The following CPZ variants were observed in gnomAD, a reference collection of about 807,000 sequenced individuals.
CPZ encodes carboxypeptidase Z.
CPZ carries 103 observed loss-of-function variants against 61.8 expected under a neutral mutation model. The observed-to-expected ratio is 1.67, with a 90% CI of 1.42 to 1.96. CPZ has a LOEUF of 1.96. Ranked by LOEUF, CPZ falls within the 30% of genes most tolerant of loss-of-function variation. The pLI is 0.00. For synonymous variants in CPZ, 551 were observed against 373.7 expected, an observed-to-expected ratio of 1.47 and a Z score of -5.47; for missense variants, 1,461 against 914.9, an observed-to-expected ratio of 1.60 and a Z score of -7.70.
At position 8,607,442 on chromosome 4, in the gene CPZ, G is replaced by GT; in HGVS notation, c.1227+18dup. On this transcript the variant is annotated intron_variant, in intron 7 of 10. Coordinates refer to ENST00000360986, the MANE Select transcript of CPZ (RefSeq NM_001014447.3). ...GACGAGAAGGTGAGAGGGCTGTCGG[G>GT]TGTGTGCAGGGGAGGGAGACAGTGT... 1 of 1,612,782 alleles carries GT rather than the reference G, an allele frequency of 6.2e-7. No homozygotes were observed. Among genetic ancestry groups the GT allele is most frequent in the Non-Finnish European group, 8.5e-7 (1 of 1,179,558 alleles).
rs560825263 is a variant in CPZ at position 8,604,130 on chromosome 4, C to T, written c.651C>T (p.Phe217=). ...VARTYSIGRS[F]DGRELLVIEF... ...GGACCTACAGCATCGGGCGCAGCTTCGACGGCAGGGAGCTGCTGGTCATCG... is the reference window on the plus strand; with the variant it reads ...GGACCTACAGCATCGGGCGCAGCTTTGACGGCAGGGAGCTGCTGGTCATCG... The change falls in exon 4 of 11, where the codon TTC becomes TTT. Residue 217 remains phenylalanine (F), a synonymous_variant. Coordinates refer to ENST00000360986, the MANE Select transcript of CPZ (RefSeq NM_001014447.3). 151 of 1,594,148 alleles carry T rather than the reference C, an allele frequency of 9.5e-5. No homozygotes were observed. The highest frequency in any genetic ancestry group is 5.1e-4 in the Middle Eastern group (3 of 5,898).
chr4:8,615,004 C>T (rs961910516), intron 9 of CPZ, among the ~76,000 whole-genome samples: 4 of 151,942 alleles, frequency 2.6e-5, no homozygotes, highest in African/African-American at 9.7e-5. Flanking sequence ...TGGGATGGGG[C>T]GGGCACTGTG....
chr4:8,604,405 A>G (rs911044315), intron 4 of CPZ, among the ~76,000 whole-genome samples: 2 of 152,270 alleles, frequency 1.3e-5, no homozygotes, highest in African/African-American at 2.4e-5. Flanking sequence ...TTCAAAATGT[A>G]GGGTGGCAGA....
intron 5 of CPZ, 96 bp downstream of exon 5, chr4:8,606,281 C>T (rs76139754): frequency 4.8e-6 from 6 of 1,250,832 alleles, no homozygotes; most frequent in East Asian, 2.6e-5. Flanking sequence ...TGCTTCGTTC[C>T]TGCCTCTCTA....
rs765332088 is a variant in CPZ, at chr4:8,607,323, C to G, written c.1125C>G (p.Leu375=). ...GGATGCAGACCATACCCTTTGTGCT[C>G]TCAGCCAGCCTTCATGGGGGCGACC... ...MKWMQTIPFV[L]SASLHGGDLV... is the part of the protein sequence containing the mutation. The change falls in exon 7 of 11, where the codon CTC becomes CTG. Residue 375 remains leucine, a synonymous_variant. Coordinates refer to ENST00000360986, the MANE Select transcript of CPZ (RefSeq NM_001014447.3). 1.2e-6 allele frequency: 2 copies of G among 1,614,144 alleles called. No homozygotes were observed. Among genetic ancestry groups the G allele is most frequent in the Admixed American group, 1.7e-5 (1 of 60,020 alleles).
At position 8,607,249 on chromosome 4, in the gene CPZ, C is replaced by G. The variant is rs1282464097; in HGVS notation, c.1069-18C>G. ...GGGAAAGCCCAGCCCTGAGGGCGGC[C>G]TCGTCTGTCCTGGGCAGGTGGCCCC... On this transcript the variant is annotated intron_variant, in intron 6 of 10. Transcript: ENST00000360986. 1 of 1,611,896 alleles carries G rather than the reference C, an allele frequency of 6.2e-7. No homozygotes were observed. Among genetic ancestry groups the G allele is most frequent in the Non-Finnish European group, 8.5e-7 (1 of 1,178,430 alleles).
rs1716523785 is a variant in CPZ at position 8,619,655 on chromosome 4, G to T, written c.*38G>T. 1 of 1,416,178 alleles carries T rather than the reference G, an allele frequency of 7.1e-7. No homozygotes were observed. Among genetic ancestry groups the T allele is most frequent in the African/African-American group, 1.4e-5 (1 of 69,136 alleles). 87.7% of individuals were successfully genotyped at this position (1,416,178 alleles called of 1,614,324 possible). ...CACCCGCCAGGATGTGGAGACCGAG[G>T]CCCATCTCCGCATCCCGGGCTCCTG... On this transcript the variant is annotated 3_prime_UTR_variant, in exon 11 of 11. Coordinates refer to ENST00000360986, the MANE Select transcript of CPZ (RefSeq NM_001014447.3).
At chr4:8,614,276 C>G (rs778586453) in intron 8 of CPZ, 83 bp from the exon 9 acceptor site, 28 of 1,479,392 alleles carry the variant, frequency 1.9e-5, no homozygotes, top group Admixed American at 3.9e-5. Context: ...TCCCGGCTGT[C>G]TCTGTGCGGC....
chr4:8,614,386 C>A lies in CPZ; in HGVS notation c.1391C>A (p.Thr464Asn). The change falls in exon 9 of 11, where the codon ACC (threonine) becomes AAC (asparagine). Residue 464 changes from threonine to asparagine, a missense_variant. Thr to Asn is a moderately conservative substitution (Grantham distance 65). Transcript: ENST00000360986. The stretch of plus-strand genomic sequence containing the variant: ...ATGTCCGATTTCAACTACCTGCACA[C>A]CAACTGCTTTGAGATCACGGTAGAG... ...GGMSDFNYLHTNCFEITVELG... is the reference protein window; with the variant it reads ...GGMSDFNYLHNNCFEITVELG... 1 of 1,613,868 alleles carries A rather than the reference C, an allele frequency of 6.2e-7. No homozygotes were observed. The highest frequency in any genetic ancestry group is 1.1e-5 in the South Asian group (1 of 91,060).
Position 8,619,466 on chromosome 4 carries a change from C to G in CPZ, c.1808C>G (p.Pro603Arg). The G allele has an allele frequency of 6.2e-7, 1 of 1,611,456 alleles. No individual in the cohort carries two copies. The highest frequency in any genetic ancestry group is 8.5e-7 in the Non-Finnish European group (1 of 1,178,250). ...HGLRRTGPHD[P>R]LGGASSLGEA... ...CTGCGGAGGACTGGGCCCCACGACC[C>G]ACTGGGAGGTGCCAGCTCTTTGGGG... The change falls in exon 11 of 11, where the codon CCA becomes CGA. Residue 603 changes from proline to arginine, a missense_variant. Physicochemically the swap from Pro to Arg is moderately radical, Grantham distance 103. Transcript: ENST00000360986.
intron 3 of CPZ, chr4:8,602,168 T>C (rs4696701): frequency 0.51 from 77,815 of 152,206 alleles, 20,482 homozygotes; most frequent in South Asian, 0.66. Flanking sequence ...CTCTGAGGTG[T>C]GCAAAGAGGT....
chr4:8,617,612 G>A (rs1010436078), intron 9 of CPZ, among the ~76,000 whole-genome samples: 3 of 152,226 alleles, frequency 2.0e-5, no homozygotes, highest in South Asian at 2.1e-4. Flanking sequence ...GCACAGCAGG[G>A]CCTGGCTGGG....
rs374338787 is a variant in CPZ at position 8,606,820 on chromosome 4, C to A, written c.990C>A (p.Ser330=). The A allele has an allele frequency of 6.2e-7, 1 of 1,614,052 alleles. No individual in the cohort carries two copies. The highest frequency in any genetic ancestry group is 8.5e-7 in the Non-Finnish European group (1 of 1,179,990). Reference sequence around the variant, plus strand: ...ACCGAAATTTCCCGGACCTGACGTCCGAGTACTACCGGCTGGCGGAGACCC... The same window carrying A: ...ACCGAAATTTCCCGGACCTGACGTCAGAGTACTACCGGCTGGCGGAGACCC... ...DLNRNFPDLT[S]EYYRLAETRG... The change falls in exon 6 of 11, where the codon TCC becomes TCA. Residue 330 remains serine (S), a synonymous_variant. Transcript: ENST00000360986.
At chr4:8,600,183 C>T (rs1018219722) in intron 2 of CPZ, among the ~76,000 whole-genome samples, 9 of 152,046 alleles carry the variant, frequency 5.9e-5, no homozygotes, top group Non-Finnish European at 4.4e-5. Context: ...TGCTGTGTTA[C>T]CCAGGCTGGT....
intron 3 of CPZ, chr4:8,602,100 T>C (rs1399327320): frequency 6.6e-6 from 1 of 152,416 alleles, no homozygotes; most frequent in Non-Finnish European, 1.5e-5. Context: ...TTGATGTCTC[T>C]TGCAGATGAA....
intron 2 of CPZ, 154 bp downstream of exon 2, chr4:8,599,639 A>G: frequency 6.9e-7 from 1 of 1,457,854 alleles, no homozygotes; most frequent in South Asian, 1.4e-5. Context: ...GTAAACAGCC[A>G]GAGAAAAATT....
In CPZ at chr4:8,601,239, A is replaced by C; in HGVS notation, c.238A>C (p.Ile80Leu). 1 of 1,613,364 alleles carries C rather than the reference A, an allele frequency of 6.2e-7. No individual in the cohort carries two copies. The highest frequency in any genetic ancestry group is 2.2e-5 in the East Asian group (1 of 44,846). Residue 80 changes from isoleucine (I) to leucine (L), a missense_variant, in exon 3 of 11, where the codon ATC becomes CTC. Transcript: ENST00000360986. ...GGTGGTGGAGGCCAGCTCCGAGTAC[A>C]TCCTGCTGAGCGTTCTACACCAGCT... Reference protein sequence around the residue: ...WEVVEASSEYILLSVLHQLLE... With the variant: ...WEVVEASSEYLLLSVLHQLLE...
chr4:8,608,135 T>TCCAGCTTCCAGCTTCCAGCTTCCAGCCC (rs1553877381), intron 7 of CPZ, among the ~76,000 whole-genome samples: 5 of 137,574 alleles, frequency 3.6e-5, no homozygotes, highest in African/African-American at 1.5e-4. Flanking sequence ...GGCCCCAGCC[T>TCCAGCTTCCAGCTTCCAGCTTCCAGCCC]CCAGCCCCCA....
At chr4:8,598,626 G>A (rs1200709978) in intron 1 of CPZ, among the ~76,000 whole-genome samples, 1 of 152,248 alleles carries the variant, frequency 6.6e-6, no homozygotes, top group African/African-American at 2.4e-5. Context: ...GCTCCGGCAT[G>A]GGCCCGTCCC....
Sources: gnomAD v4.1 joint callset for allele counts (sites outside exome capture counted in the v4.1 genomes callset) on GRCh38, gnomAD v4.1.1 for gene constraint, MANE v1.5 for transcripts, NCBI Gene and HGNC (gene_info 2026-07-23, HGNC 2026-07-21) for gene names.